The following NR3C1 variants were observed in gnomAD, a reference collection of about 807,000 sequenced individuals.
The protein encoded by NR3C1 is glucocorticoid receptor.
A neutral mutation model predicts 74.0 loss-of-function variants in NR3C1; 14 were observed. The ratio of observed to expected loss-of-function variants is 0.19; its 90% confidence interval spans 0.12 to 0.30. The LOEUF (loss-of-function observed/expected upper bound fraction) is 0.30. Among genes scored for constraint, NR3C1 ranks in the 10% least tolerant of loss-of-function variants. The pLI, the probability that NR3C1 is intolerant of heterozygous loss-of-function variation, is 1.00. For missense variants in NR3C1, 695 were observed against 909.8 expected, an observed-to-expected ratio of 0.76 and a Z score of 3.04; for synonymous variants, 308 against 332.5, an observed-to-expected ratio of 0.93 and a Z score of 0.80.
chr5:143,413,519 G>C (rs1841372757), intron 1 of NR3C1, among the ~76,000 whole-genome samples: 1 of 152,010 alleles, frequency 6.6e-6, no homozygotes, highest in Non-Finnish European at 1.5e-5. Context: ...AGTCCAAAGG[G>C]CTTAAATTTT....
chr5:143,285,970 T>TAAAAAAAAA (rs200720817), intron 7 of NR3C1, among the ~76,000 whole-genome samples: 2 of 81,892 alleles, frequency 2.4e-5, no homozygotes, highest in Non-Finnish European at 5.7e-5. Context: ...CCAGACTGAT[T>TAAAAAAAAA]AAAAAAAAAA....
chr5:143,369,752 G>A (rs2151849482), intron 2 of NR3C1, among the ~76,000 whole-genome samples: 1 of 152,284 alleles, frequency 6.6e-6, no homozygotes, highest in Middle Eastern at 3.4e-3. Context: ...AATCAAAAAT[G>A]TCAATAGTCC....
intron 2 of NR3C1, among the ~76,000 whole-genome samples, chr5:143,383,268 A>C (rs1182803543): frequency 6.6e-6 from 1 of 152,226 alleles, no homozygotes; most frequent in Admixed American, 6.5e-5. Flanking sequence ...TTGTTACTAG[A>C]TTCTTACAGT....
chr5:143,332,398 T>C (rs1464707065), intron 2 of NR3C1, among the ~76,000 whole-genome samples: 2 of 36,992 alleles, frequency 5.4e-5, no homozygotes, highest in Admixed American at 4.5e-4. Flanking sequence ...AGAGTGTAAC[T>C]GGGGCCCGTT....
chr5:143,435,378 A>G (rs1561823260), exon 1 of NR3C1: 2 of 985,320 alleles, frequency 2.0e-6, no homozygotes, highest in South Asian at 9.4e-5. Context: ...GCGTGTTGCA[A>G]TTTCCCCAGC....
chr5:143,295,578 A>G lies in NR3C1; in HGVS notation c.1905T>C (p.Thr635=). The change falls in exon 7 of 9, where the codon ACT becomes ACC. Residue 635 remains threonine (T), a synonymous_variant. Transcript: ENST00000394464. ...PDLIINEQRM[T]LPCMYDQCKH... ...TACATTGGTCGTACATGCAGGGTAG[A>G]GTCATTCTCTGCCTGTGAAAGATAA... 6.2e-7 allele frequency: 1 copy of G among 1,612,530 alleles called. No individual in the cohort carries two copies. Among genetic ancestry groups the G allele is most frequent in the South Asian group, 1.1e-5 (1 of 91,058 alleles).
chr5:143,315,861 C>G (rs1258697301), intron 2 of NR3C1, among the ~76,000 whole-genome samples: 2 of 152,182 alleles, frequency 1.3e-5, no homozygotes, highest in Admixed American at 6.5e-5. Context: ...GCCCTAAATT[C>G]TATCTTCAAA....
Position 143,400,064 on chromosome 5 carries a change from T to C in NR3C1, c.776A>G (p.Asp259Gly). Reference sequence around the variant, plus strand: ...GCTTGACAAAACCAGATCTCCATTATCCTTAATTTTGGGTTTAGTGTCCGG... The same window carrying C: ...GCTTGACAAAACCAGATCTCCATTACCCTTAATTTTGGGTTTAGTGTCCGG... Reference protein sequence around the residue: ...ILPDTKPKIKDNGDLVLSSPS... With the variant: ...ILPDTKPKIKGNGDLVLSSPS... Residue 259 changes from aspartate to glycine, a missense_variant, in exon 2 of 9, where the codon GAT becomes GGT. Coordinates refer to ENST00000394464, the MANE Select transcript of NR3C1 (RefSeq NM_000176.3). The C allele has an allele frequency of 6.2e-7, 1 of 1,614,220 alleles. No homozygotes were observed. Among genetic ancestry groups the C allele is most frequent in the Non-Finnish European group, 8.5e-7 (1 of 1,180,036 alleles).
At chr5:143,282,081 G>C in intron 8 of NR3C1, 40 bp from the exon 9 acceptor site, 3 of 1,610,812 alleles carry the variant, frequency 1.9e-6, no homozygotes, top group Non-Finnish European at 2.5e-6. Flanking sequence ...CTTCCAAATT[G>C]GTCAGTGGGA....
intron 6 of NR3C1, among the ~76,000 whole-genome samples, chr5:143,297,357 C>T (rs1025866608): frequency 6.6e-6 from 1 of 152,074 alleles, no homozygotes; most frequent in Non-Finnish European, 1.5e-5. Context: ...GTGTTTCATA[C>T]AAATCTGTTT....
Position 143,387,678 on chromosome 5 carries a change from C to T in NR3C1, c.1184+11978G>A, listed in dbSNP as rs202132099. On this transcript the variant is annotated intron_variant, in intron 2 of 8. Transcript: ENST00000394464. The stretch of plus-strand genomic sequence containing the variant: ...CTTAACTTGCATTTTCTCTTTTCTG[C>T]GACTGTCATTGCCATATTAGGTTGA... Among the ~76,000 whole-genome samples, 18 of 152,050 alleles carry T rather than the reference C, an allele frequency of 1.2e-4. 1 individual carries two copies. In the South Asian group the frequency reaches 1.7e-3, roughly 14 times the overall value.
At position 143,279,264 on chromosome 5, in the gene NR3C1, G is replaced by C; in HGVS notation, c.*2625C>G. The C allele has an allele frequency of 5.1e-6, 7 of 1,362,946 alleles. No individual in the cohort carries two copies. In the Middle Eastern group the frequency reaches 5.3e-4, roughly 104 times the overall value. The allele number at this position is 1,362,946 out of a possible 1,614,324, so 84.4% of individuals were successfully genotyped here. A position where few individuals can be genotyped will look rare whatever the true frequency, so the allele number is the denominator to read the frequency against. On this transcript the variant is annotated 3_prime_UTR_variant, in exon 9 of 9. Transcript: ENST00000394464. The stretch of plus-strand genomic sequence containing the variant: ...TAATGAAAAGCCTCCTATAGTTGTC[G>C]ATGAGCATCAGTTGACTTATTATTG...
intron 6 of NR3C1, 89 bp downstream of exon 6, chr5:143,298,579 G>T: frequency 7.1e-7 from 1 of 1,413,748 alleles, no homozygotes; most frequent in Non-Finnish European, 9.9e-7. Context: ...TTTCAGTCCT[G>T]AATTATCACA....
intron 2 of NR3C1, among the ~76,000 whole-genome samples, chr5:143,377,063 T>C (rs1170761381): frequency 6.6e-6 from 1 of 152,246 alleles, no homozygotes. Context: ...TTTTTATTAA[T>C]GCCTGAAATT....
At chr5:143,398,215 A>C (rs1839577364) in intron 2 of NR3C1, among the ~76,000 whole-genome samples, 2 of 151,982 alleles carry the variant, frequency 1.3e-5, no homozygotes, top group Non-Finnish European at 2.9e-5. Flanking sequence ...TGCAATAATA[A>C]AGATCTCAAA....
intron 1 of NR3C1, among the ~76,000 whole-genome samples, chr5:143,416,716 G>A (rs1841488849): frequency 6.6e-6 from 1 of 152,094 alleles, no homozygotes; most frequent in Non-Finnish European, 1.5e-5. Flanking sequence ...GGAGGTTAAG[G>A]TTACCAGACA....
In NR3C1 at chr5:143,403,310, ATAT is replaced by A. The variant is rs1462860132; in HGVS notation, c.-116_-114del. 4.1e-6 allele frequency: 4 copies of A among 984,656 alleles called. No homozygotes were observed. Among genetic ancestry groups the A allele is most frequent in the Non-Finnish European group, 3.6e-6 (3 of 829,944 alleles). 61.0% of individuals were successfully genotyped at this position (984,656 alleles called of 1,614,324 possible). ...AACGCAGAAGGAGCAGGAGGGAAAT[ATAT>A]TTTTTTTTTCTAAAAAAAGGAAGTA... On this transcript the variant is annotated 5_prime_UTR_variant, in exon 1 of 9. Coordinates refer to ENST00000394464, the MANE Select transcript of NR3C1 (RefSeq NM_000176.3).
At chr5:143,434,105 A>G (rs1752004303) in intron 1 of NR3C1, among the ~76,000 whole-genome samples, 1 of 152,196 alleles carries the variant, frequency 6.6e-6, no homozygotes, top group Admixed American at 6.5e-5. Context: ...ATCAAATGTC[A>G]TCTCCTCAGA....
intron 4 of NR3C1, among the ~76,000 whole-genome samples, chr5:143,304,973 C>T (rs1306766044): frequency 2.0e-5 from 3 of 152,016 alleles, no homozygotes; most frequent in Non-Finnish European, 2.9e-5. Context: ...ATAACCTTCT[C>T]GACATTGGCC....
Sources: allele counts gnomAD v4.1 joint callset (sites outside exome capture counted in the v4.1 genomes callset), GRCh38; gene constraint gnomAD v4.1.1; transcripts MANE v1.5; gene names NCBI Gene and HGNC (gene_info 2026-07-23, HGNC 2026-07-21).